The following ZFAND6 variants were observed in gnomAD, a reference collection of about 807,000 sequenced individuals.
The protein encoded by ZFAND6 is zinc finger AN1-type containing 6, also known as AN1-type zinc finger protein 6.
A neutral mutation model predicts 24.5 loss-of-function variants in ZFAND6; 12 were observed. The observed-to-expected ratio is 0.49, with a 90% CI of 0.31 to 0.79. The LOEUF is 0.79. Among genes scored for constraint, ZFAND6 ranks in the 30% least tolerant of loss-of-function variants. The pLI is 0.04. For synonymous variants in ZFAND6, 92 were observed against 81.5 expected, an observed-to-expected ratio of 1.13 and a Z score of -0.69; for missense variants, 207 against 245.9, an observed-to-expected ratio of 0.84 and a Z score of 1.06.
intron 2 of ZFAND6, among the ~76,000 whole-genome samples, chr15:80,098,847 A>G (rs982234299): frequency 6.6e-6 from 1 of 152,108 alleles, no homozygotes; most frequent in Non-Finnish European, 1.5e-5. Flanking sequence ...CTGCATTACT[A>G]ATTTATTATT....
intron 2 of ZFAND6, among the ~76,000 whole-genome samples, chr15:80,106,745 T>C (rs2039349888): frequency 6.6e-6 from 1 of 152,140 alleles, no homozygotes; most frequent in African/African-American, 2.4e-5. Flanking sequence ...GTAACCCTTT[T>C]CCCTGAAATG....
chr15:80,114,082 A>T (rs2039746170), intron 2 of ZFAND6, among the ~76,000 whole-genome samples: 1 of 152,170 alleles, frequency 6.6e-6, no homozygotes, highest in African/African-American at 2.4e-5. Flanking sequence ...GATTTGTTTC[A>T]ATCAGATGGA....
chr15:80,104,162 GCTCCA>G (rs146864692), intron 2 of ZFAND6, among the ~76,000 whole-genome samples: 5,128 of 152,190 alleles, frequency 0.034, 276 homozygotes, highest in East Asian at 0.22. Flanking sequence ...TTTAACTCTG[GCTCCA>G]CTCCATGAAG....
intron 3 of ZFAND6, chr15:80,120,775 G>C: frequency 5.3e-6 from 1 of 188,144 alleles, no homozygotes. Context: ...AAGTGTCTTG[G>C]AAAGTAAGGG....
At chr15:80,116,397 T>C (rs901399220) in intron 2 of ZFAND6, among the ~76,000 whole-genome samples, 3 of 152,184 alleles carry the variant, frequency 2.0e-5, no homozygotes, top group African/African-American at 7.2e-5. Flanking sequence ...AGAAAATGTT[T>C]TAAGTACTAG....
At chr15:80,079,282 G>A (rs1402626593) in intron 1 of ZFAND6, among the ~76,000 whole-genome samples, 5 of 151,756 alleles carry the variant, frequency 3.3e-5, no homozygotes, top group East Asian at 3.9e-4. Context: ...GTGCAGTGGC[G>A]CGATCTCGGC....
intron 1 of ZFAND6, among the ~76,000 whole-genome samples, chr15:80,084,118 T>G (rs1296854372): frequency 6.6e-6 from 1 of 152,210 alleles, no homozygotes; most frequent in African/African-American, 2.4e-5. Flanking sequence ...TATAGCACTC[T>G]GCTTCTTATG....
At chr15:80,073,660 C>T (rs185483910) in intron 1 of ZFAND6, among the ~76,000 whole-genome samples, 2 of 151,938 alleles carry the variant, frequency 1.3e-5, no homozygotes, top group African/African-American at 2.4e-5. Flanking sequence ...ACCTATCTAC[C>T]CACCAGCAGA....
In ZFAND6 at chr15:80,061,130, A is replaced by T. The variant is rs138987194; in HGVS notation, c.-181+1321A>T. On this transcript the variant is annotated intron_variant, in intron 1 of 6. Coordinates refer to ENST00000261749, the MANE Select transcript of ZFAND6 (RefSeq NM_019006.4). ...AGCCCTAGGGGAAATGTTTTGCAAA[A>T]TATGCACGTTTAGCTTTCCAAAACA... Among the ~76,000 whole-genome samples, 575 of 152,306 alleles carry T rather than the reference A, an allele frequency of 3.8e-3. 4 individuals carry two copies. The highest frequency in any genetic ancestry group is 0.013 in the African/African-American group (559 of 41,582).
intron 2 of ZFAND6, among the ~76,000 whole-genome samples, chr15:80,114,172 A>T (rs1229380832): frequency 2.0e-5 from 3 of 152,192 alleles, no homozygotes; most frequent in African/African-American, 7.2e-5. Context: ...CACTATTTGG[A>T]TGCTTTTCAT....
chr15:80,131,440 T>A, intron 6 of ZFAND6, 147 bp downstream of exon 6: 1 of 600,532 alleles, frequency 1.7e-6, no homozygotes, highest in Non-Finnish European at 2.7e-6. Flanking sequence ...CTTAAGGAAA[T>A]AAAAATAGCT....
chr15:80,119,916 A>G (rs749276079), intron 2 of ZFAND6, among the ~76,000 whole-genome samples: 3 of 152,238 alleles, frequency 2.0e-5, no homozygotes, highest in Non-Finnish European at 4.4e-5. Context: ...TAGCACATGA[A>G]CTTCCAGCAA....
intron 1 of ZFAND6, among the ~76,000 whole-genome samples, chr15:80,093,083 T>C (rs1342308300): frequency 6.6e-6 from 1 of 151,684 alleles, no homozygotes; most frequent in Non-Finnish European, 1.5e-5. Context: ...GCCTCCCGAG[T>C]AGCTGGGATT....
At chr15:80,098,746 T>C (rs924306829) in intron 2 of ZFAND6, among the ~76,000 whole-genome samples, 168 bp downstream of exon 2, 8 of 152,194 alleles carry the variant, frequency 5.3e-5, no homozygotes, top group Admixed American at 1.3e-4. Context: ...TGGTAGATTT[T>C]TATTTATAAA....
chr15:80,085,532 C>A (rs2037939964), intron 1 of ZFAND6, among the ~76,000 whole-genome samples: 1 of 152,130 alleles, frequency 6.6e-6, no homozygotes, highest in Admixed American at 6.5e-5. Flanking sequence ...TCTGGTCATA[C>A]AATTGAAATA....
intron 1 of ZFAND6, among the ~76,000 whole-genome samples, chr15:80,095,206 T>C (rs2038647168): frequency 1.3e-5 from 2 of 152,254 alleles, no homozygotes; most frequent in African/African-American, 4.8e-5. Context: ...ACTGACATTT[T>C]TGAAGAGAGT....
At chr15:80,103,705 A>G (rs973720291) in intron 2 of ZFAND6, among the ~76,000 whole-genome samples, 40 of 152,294 alleles carry the variant, frequency 2.6e-4, no homozygotes, top group African/African-American at 9.4e-4. Context: ...GAAATTTGTA[A>G]CCCATTCTGC....
intron 5 of ZFAND6, among the ~76,000 whole-genome samples, chr15:80,124,791 C>G (rs1455467552): frequency 6.6e-6 from 1 of 152,068 alleles, no homozygotes; most frequent in African/African-American, 2.4e-5. Flanking sequence ...TTCGTAATAT[C>G]AGCAGCAAAT....
intron 1 of ZFAND6, among the ~76,000 whole-genome samples, chr15:80,063,847 G>C (rs980091049): frequency 6.6e-6 from 1 of 152,042 alleles, no homozygotes; most frequent in South Asian, 2.1e-4. Flanking sequence ...CACTGCACCC[G>C]GCCTAAATTT....
Sources: allele counts gnomAD v4.1 joint callset (sites outside exome capture counted in the v4.1 genomes callset), GRCh38; gene constraint gnomAD v4.1.1; transcripts MANE v1.5; gene names NCBI Gene and HGNC (gene_info 2026-07-23, HGNC 2026-07-21).